CADM2: variants seen among roughly 807,000 people sequenced by gnomAD.
CADM2 encodes the protein immunoglobulin superfamily member 4D.
CADM2 carries 12 observed loss-of-function variants against 49.8 expected under a neutral mutation model. That is an observed-to-expected ratio of 0.24 (90% CI 0.15 to 0.39). The LOEUF is 0.39. Among genes scored for constraint, CADM2 ranks in the 10% least tolerant of loss-of-function variants. CADM2 has a pLI of 1.00. For synonymous variants in CADM2, 214 were observed against 175.4 expected (o/e 1.22, Z -1.74); for missense variants, 378 against 492.3 (o/e 0.77, Z 2.20).
At chr3:85,947,907 G>C (rs1722938106) in intron 7 of CADM2, among the ~76,000 whole-genome samples, 1 of 151,376 alleles carries the variant, frequency 6.6e-6, no homozygotes, top group Non-Finnish European at 1.5e-5. Context: ...AACATTTCCA[G>C]GTAAGCAGTT....
chr3:85,786,380 A>G lies in CADM2; in HGVS notation c.89-15667A>G, dbSNP rs79893050. 1.7e-3 allele frequency among the ~76,000 whole-genome samples: 258 copies of G among 152,142 alleles called. 7 individuals carry two copies. In the East Asian group the frequency reaches 0.044, roughly 26 times the overall value. Reference sequence around the variant, plus strand: ...CCAAGTTTCATTTTAATATGTTCCCACAACAGTTTCCACTAAACTCTCATA... The same window carrying G: ...CCAAGTTTCATTTTAATATGTTCCCGCAACAGTTTCCACTAAACTCTCATA... On this transcript the variant is annotated intron_variant, in intron 2 of 9. Coordinates refer to ENST00000383699, the MANE Select transcript of CADM2 (RefSeq NM_001167675.2).
intron 3 of CADM2, among the ~76,000 whole-genome samples, chr3:85,808,545 G>T (rs1384180218): frequency 6.6e-6 from 1 of 152,142 alleles, no homozygotes; most frequent in Non-Finnish European, 1.5e-5. Flanking sequence ...GCTCAGGAAA[G>T]AACACTTCAA....
At chr3:85,446,604 GT>G (rs5850688) in intron 1 of CADM2, among the ~76,000 whole-genome samples, 56 of 131,990 alleles carry the variant, frequency 4.2e-4, no homozygotes, top group African/African-American at 9.2e-4. Flanking sequence ...TTTGTTTTTT[GT>G]TTTTTTTTTT....
At chr3:85,449,382 C>G (rs2107563894) in intron 1 of CADM2, among the ~76,000 whole-genome samples, 1 of 151,970 alleles carries the variant, frequency 6.6e-6, no homozygotes, top group South Asian at 2.1e-4. Context: ...ATTGCACTTG[C>G]ATGAACTATC....
At chr3:85,009,537 C>T (rs1455413099) in intron 1 of CADM2, among the ~76,000 whole-genome samples, 1 of 152,088 alleles carries the variant, frequency 6.6e-6, no homozygotes, top group Non-Finnish European at 1.5e-5. Flanking sequence ...AATACCAATT[C>T]TTGATCCTTG....
chr3:85,882,989 A>C (rs1012796484), intron 3 of CADM2, among the ~76,000 whole-genome samples: 2 of 152,322 alleles, frequency 1.3e-5, no homozygotes, highest in African/African-American at 4.8e-5. Context: ...AAACATTTGC[A>C]GAGGAAAGCT....
intron 1 of CADM2, among the ~76,000 whole-genome samples, chr3:85,216,114 A>G (rs2041918988): frequency 6.6e-6 from 1 of 151,838 alleles, no homozygotes; most frequent in Non-Finnish European, 1.5e-5. Flanking sequence ...GTGTTCCTTC[A>G]GTGGGGGACA....
At chr3:85,561,067 C>T (rs1047509866) in intron 1 of CADM2, among the ~76,000 whole-genome samples, 3 of 152,060 alleles carry the variant, frequency 2.0e-5, no homozygotes, top group Admixed American at 6.6e-5. Flanking sequence ...AGAAGATTCT[C>T]CAAAAAGAAT....
chr3:85,507,377 T>C (rs897462833), intron 1 of CADM2, among the ~76,000 whole-genome samples: 1 of 151,828 alleles, frequency 6.6e-6, no homozygotes, highest in African/African-American at 2.4e-5. Flanking sequence ...TTAGTAGACA[T>C]GGGGTTTCAC....
intron 1 of CADM2, among the ~76,000 whole-genome samples, chr3:85,677,944 A>C (rs2065932231): frequency 6.6e-6 from 1 of 152,250 alleles, no homozygotes; most frequent in African/African-American, 2.4e-5. Flanking sequence ...TGAATCAGAA[A>C]GCATAAAATA....
chr3:85,265,908 C>T (rs867385748), intron 1 of CADM2, among the ~76,000 whole-genome samples: 14 of 151,714 alleles, frequency 9.2e-5, no homozygotes, highest in Non-Finnish European at 7.4e-5. Context: ...CTTTTTCTGC[C>T]CTCCAGTATT....
chr3:84,984,460 T>G (rs1209865781), intron 1 of CADM2, among the ~76,000 whole-genome samples: 1 of 151,468 alleles, frequency 6.6e-6, no homozygotes. Context: ...TTATATGGCC[T>G]TTTCTTTTCA....
chr3:85,231,839 A>C (rs1344415757), intron 1 of CADM2, among the ~76,000 whole-genome samples: 1 of 151,324 alleles, frequency 6.6e-6, no homozygotes, highest in Non-Finnish European at 1.5e-5. Flanking sequence ...CAGCCTCCCA[A>C]GTAGCAGGGA....
intron 1 of CADM2, among the ~76,000 whole-genome samples, chr3:85,186,926 G>C (rs558360813): frequency 6.6e-6 from 1 of 152,262 alleles, no homozygotes; most frequent in African/African-American, 2.4e-5. Context: ...GTAGCCAAAT[G>C]CTGTCGTTAA....
chr3:84,986,359 C>G (rs1168041466), intron 1 of CADM2, among the ~76,000 whole-genome samples: 6 of 152,046 alleles, frequency 3.9e-5, no homozygotes, highest in Admixed American at 3.3e-4. Flanking sequence ...GTCATGTCTT[C>G]CTGAATGCAG....
intron 1 of CADM2, among the ~76,000 whole-genome samples, chr3:85,456,439 A>G (rs988059570): frequency 3.3e-5 from 5 of 152,150 alleles, no homozygotes; most frequent in African/African-American, 9.7e-5. Context: ...AATATTCATG[A>G]TTTGTGTAGA....
chr3:85,035,660 A>G (rs2035182476), intron 1 of CADM2, among the ~76,000 whole-genome samples: 1 of 152,068 alleles, frequency 6.6e-6, no homozygotes, highest in African/African-American at 2.4e-5. Flanking sequence ...TTTTCCCAGC[A>G]CAATTTATTG....
intron 1 of CADM2, among the ~76,000 whole-genome samples, chr3:85,321,945 G>T (rs1212532339): frequency 1.3e-5 from 2 of 152,126 alleles, no homozygotes; most frequent in South Asian, 4.1e-4. Flanking sequence ...GTATTTATTA[G>T]TTTGCAGAAC....
intron 2 of CADM2, among the ~76,000 whole-genome samples, chr3:85,757,228 A>G (rs548591766): frequency 6.6e-6 from 1 of 152,280 alleles, no homozygotes; most frequent in South Asian, 2.1e-4. Flanking sequence ...AGAAGACTAT[A>G]AGAAAAGGAC....
Sources: allele counts gnomAD v4.1 joint callset (sites outside exome capture counted in the v4.1 genomes callset), GRCh38; gene constraint gnomAD v4.1.1; transcripts MANE v1.5; gene names NCBI Gene and HGNC (gene_info 2026-07-23, HGNC 2026-07-21).